Variants in CAP2 observed in about 807,000 individuals in gnomAD.
CAP2 encodes cyclase associated actin cytoskeleton regulatory protein 2, also known as adenylyl cyclase-associated protein 2.
A neutral mutation model predicts 57.7 loss-of-function variants in CAP2; 24 were observed. The observed-to-expected ratio is 0.42, with a 90% confidence interval of 0.30 to 0.58. The LOEUF is 0.58. Among genes scored for constraint, CAP2 ranks in the 20% least tolerant of loss-of-function variants. The probability of loss-of-function intolerance (pLI) is 0.22; values close to 1 mark genes in which losing one functional copy is unlikely to be tolerated. For synonymous variants in CAP2, 194 were observed against 207.2 expected (o/e 0.94, Z 0.55); for missense variants, 501 against 590.3 (o/e 0.85, Z 1.57).
rs10656588 is a variant in CAP2, at chr6:17,529,651, A to AAAAT, written c.637-9617_637-9616insAATA. ...GCAAGACTCCGTCTCAAAAAAAAAA[A>AAAAT]ATATATATATATATATATATGTATA... is the stretch of plus-strand genomic sequence containing the variant. On this transcript the variant is annotated intron_variant, in intron 7 of 12. Transcript: ENST00000229922. 6.5e-4 allele frequency among the ~76,000 whole-genome samples: 88 copies of AAAAT among 134,512 alleles called. 2 individuals carry two copies. Among genetic ancestry groups the AAAAT allele is most frequent in the African/African-American group, 1.6e-3 (55 of 33,994 alleles). The allele number at this position is 134,512 out of a possible 152,430, so 88.2% of individuals were successfully genotyped here.
intron 3 of CAP2, among the ~76,000 whole-genome samples, chr6:17,437,154 A>C (rs530889243): frequency 1.3e-5 from 2 of 152,296 alleles, no homozygotes; most frequent in East Asian, 3.9e-4. Flanking sequence ...TAAAGTGCAC[A>C]ATAAGTGTAA....
chr6:17,543,480 G>C (rs1275042699), intron 11 of CAP2, among the ~76,000 whole-genome samples: 1 of 152,106 alleles, frequency 6.6e-6, no homozygotes, highest in African/African-American at 2.4e-5. Context: ...AATTAGCTGG[G>C]CATGGTGGCA....
At chr6:17,529,742 C>A (rs1017948111) in intron 7 of CAP2, among the ~76,000 whole-genome samples, 1 of 151,192 alleles carries the variant, frequency 6.6e-6, no homozygotes, top group East Asian at 1.9e-4. Context: ...AACATTAGGT[C>A]TGTTCTAAAA....
chr6:17,412,861 T>C (rs1759175207), intron 1 of CAP2, among the ~76,000 whole-genome samples: 1 of 152,178 alleles, frequency 6.6e-6, no homozygotes, highest in African/African-American at 2.4e-5. Flanking sequence ...TCGATGGAGA[T>C]GTCAGGGAGT....
intron 7 of CAP2, among the ~76,000 whole-genome samples, chr6:17,520,668 T>C (rs1461031552): frequency 6.6e-6 from 1 of 152,220 alleles, no homozygotes; most frequent in Non-Finnish European, 1.5e-5. Flanking sequence ...TTTAATAGCT[T>C]ACTTTTGATC....
intron 1 of CAP2, among the ~76,000 whole-genome samples, chr6:17,408,551 CTCAT>C (rs1759050001): frequency 6.6e-6 from 1 of 151,960 alleles, no homozygotes; most frequent in Admixed American, 6.5e-5. Flanking sequence ...GACCATAGCA[CTCAT>C]CATTCCAGAG....
intron 1 of CAP2, among the ~76,000 whole-genome samples, chr6:17,403,668 G>A (rs1372368001): frequency 6.6e-6 from 1 of 152,074 alleles, no homozygotes; most frequent in Non-Finnish European, 1.5e-5. Flanking sequence ...AGAAAAGTAT[G>A]GTAGGCTAAT....
intron 11 of CAP2, among the ~76,000 whole-genome samples, chr6:17,550,273 A>G (rs2113710330): frequency 6.6e-6 from 1 of 152,250 alleles, no homozygotes; most frequent in East Asian, 1.9e-4. Context: ...AAATAAATTT[A>G]GAAAAGACAT....
intron 6 of CAP2, among the ~76,000 whole-genome samples, chr6:17,510,056 T>C (rs934329640): frequency 6.6e-5 from 10 of 152,174 alleles, no homozygotes; most frequent in South Asian, 2.1e-4. Flanking sequence ...AGAAAGTAGA[T>C]TAACAGTTGC....
At position 17,539,280 on chromosome 6, in the gene CAP2, A is replaced by G. The variant is rs1353211453; in HGVS notation, c.648A>G (p.Ala216=). ...TTCTGTCTTCTCAGGGTCCTGTAGC[A>G]TCCACAGTATCAGCGTTTTCTGTCC... ...GLTWSKTGPV[A]STVSAFSVLS... is the part of the protein sequence containing the mutation. The change falls in exon 8 of 13, where the codon GCA becomes GCG. Residue 216 remains alanine, a synonymous_variant. Coordinates refer to ENST00000229922, the MANE Select transcript of CAP2 (RefSeq NM_006366.3). 6.2e-7 allele frequency: 1 copy of G among 1,613,328 alleles called. No individual in the cohort carries two copies. Among genetic ancestry groups the G allele is most frequent in the South Asian group, 1.1e-5 (1 of 91,022 alleles).
In CAP2 at chr6:17,418,682, A is replaced by G. The variant is rs193024663; in HGVS notation, c.-1-2873A>G. 6.8e-4 allele frequency among the ~76,000 whole-genome samples: 103 copies of G among 151,274 alleles called. 1 individual carries two copies. The South Asian group carries it at 7.7e-3, about 11-fold the overall frequency. On this transcript the variant is annotated intron_variant, in intron 1 of 12. Transcript: ENST00000229922. ...AACAAAGCAAACATTTTTTTTTTCT[A>G]TCGCAGGCTAGGTCTATGGTGGTAA...
At chr6:17,449,311 T>C (rs1760343324) in intron 3 of CAP2, among the ~76,000 whole-genome samples, 1 of 152,206 alleles carries the variant, frequency 6.6e-6, no homozygotes, top group African/African-American at 2.4e-5. Flanking sequence ...GTAGTATTTA[T>C]AATCATTTAA....
rs139940616 is a variant in CAP2 at position 17,498,346 on chromosome 6, G to A, written c.301-8823G>A. Among the ~76,000 whole-genome samples the A allele has an allele frequency of 3.7e-3, 564 of 152,344 alleles. 3 individuals carry two copies. The highest frequency in any genetic ancestry group is 0.013 in the African/African-American group (526 of 41,584). On this transcript the variant is annotated intron_variant, in intron 4 of 12. Transcript: ENST00000229922. ...GTTAAAATATGTTGGTAATGACAAC[G>A]TAGATTATTATCTATCTGAAGGATA... is the stretch of plus-strand genomic sequence containing the variant.
intron 11 of CAP2, among the ~76,000 whole-genome samples, chr6:17,543,368 A>G (rs1762954445): frequency 6.6e-6 from 1 of 152,180 alleles, no homozygotes; most frequent in Non-Finnish European, 1.5e-5. Context: ...CCGTAACCCT[A>G]GCACTTTGGG....
intron 4 of CAP2, among the ~76,000 whole-genome samples, chr6:17,491,331 T>C (rs1761536705): frequency 6.6e-6 from 1 of 152,232 alleles, no homozygotes; most frequent in South Asian, 2.1e-4. Context: ...TCTTACCGCA[T>C]ATCGTGGGCA....
intron 7 of CAP2, among the ~76,000 whole-genome samples, chr6:17,535,737 GAT>G (rs1218432576): frequency 6.6e-6 from 1 of 152,142 alleles, no homozygotes; most frequent in Non-Finnish European, 1.5e-5. Context: ...TTGTTAAAGA[GAT>G]ATTTCAGTAC....
chr6:17,454,794 C>T (rs1760511106), intron 3 of CAP2, among the ~76,000 whole-genome samples: 1 of 152,094 alleles, frequency 6.6e-6, no homozygotes, highest in Non-Finnish European at 1.5e-5. Flanking sequence ...CAAACTTTTC[C>T]GTTTTCTATG....
intron 4 of CAP2, among the ~76,000 whole-genome samples, chr6:17,498,710 ATTTTATTTT>A (rs1463463099): frequency 9.9e-5 from 15 of 151,894 alleles, no homozygotes; most frequent in Non-Finnish European, 1.9e-4. Context: ...AGCTTGTTTT[ATTTTATTTT>A]ATTTATTTTA....
intron 9 of CAP2, 37 bp downstream of exon 9, chr6:17,541,185 G>A (rs1288088158): frequency 1.3e-6 from 2 of 1,535,102 alleles, no homozygotes; most frequent in Non-Finnish European, 1.8e-6. Context: ...TTCCTGACAT[G>A]CGCCAATGAA....
Sources: allele counts gnomAD v4.1 joint callset (sites outside exome capture counted in the v4.1 genomes callset), GRCh38; gene constraint gnomAD v4.1.1; transcripts MANE v1.5; gene names NCBI Gene and HGNC (gene_info 2026-07-23, HGNC 2026-07-21).